The following KCNIP1 variants were observed in gnomAD, a reference collection of about 807,000 sequenced individuals.
KCNIP1 encodes the protein potassium voltage-gated channel interacting protein 1, also known as A-type potassium channel modulatory protein KCNIP1.
Under a neutral mutation model 33.0 loss-of-function variants are expected in KCNIP1, and 18 were observed. The ratio of observed to expected loss-of-function variants is 0.55; its 90% confidence interval spans 0.38 to 0.81. The LOEUF is 0.81. KCNIP1 is among the 30% of genes least tolerant of loss of function. The probability of loss-of-function intolerance (pLI) is 0.00; values close to 1 mark genes in which losing one functional copy is unlikely to be tolerated. For synonymous variants in KCNIP1, 93 were observed against 98.3 expected, an observed-to-expected ratio of 0.95 and a Z score of 0.32; for missense variants, 238 against 271.6, an observed-to-expected ratio of 0.88 and a Z score of 0.87.
At chr5:170,607,086 G>C (rs966372600) in intron 1 of KCNIP1, among the ~76,000 whole-genome samples, 1 of 152,216 alleles carries the variant, frequency 6.6e-6, no homozygotes, top group Non-Finnish European at 1.5e-5. Flanking sequence ...ACCACCTCCT[G>C]TTCACCAGCA....
At chr5:170,389,236 G>A (rs1319767575) in intron 1 of KCNIP1, 2 of 152,198 alleles carry the variant, frequency 1.3e-5, no homozygotes, top group Non-Finnish European at 2.9e-5. Flanking sequence ...CACTTCCCAA[G>A]TGCTTTCAGG....
intron 1 of KCNIP1, among the ~76,000 whole-genome samples, chr5:170,636,813 C>T (rs999803309): frequency 1.3e-5 from 2 of 152,116 alleles, no homozygotes; most frequent in Non-Finnish European, 2.9e-5. Flanking sequence ...AGTGCTCTAC[C>T]CACATTACTG....
At chr5:170,361,294 C>T (rs1172691854) in intron 1 of KCNIP1, among the ~76,000 whole-genome samples, 1 of 152,168 alleles carries the variant, frequency 6.6e-6, no homozygotes, top group Non-Finnish European at 1.5e-5. Context: ...CCTCCCGGGC[C>T]AGCTGGAGGA....
rs555343012 is a variant in KCNIP1 at position 170,428,971 on chromosome 5, T to C, written c.88+75007T>C. Among the ~76,000 whole-genome samples the C allele has an allele frequency of 4.6e-5, 7 of 152,210 alleles. No individual in the cohort carries two copies. In the South Asian group the frequency reaches 1.5e-3, roughly 32 times the overall value. On this transcript the variant is annotated intron_variant, in intron 1 of 7. Transcript: ENST00000377360. ...GATACCACCCTTTCCCATCGTATGA[T>C]AGCCTGAAGTGTTCAGAACTTTTCC... is the stretch of plus-strand genomic sequence containing the variant.
chr5:170,512,090 G>A (rs1455419232), intron 1 of KCNIP1, among the ~76,000 whole-genome samples: 2 of 152,206 alleles, frequency 1.3e-5, no homozygotes, highest in African/African-American at 2.4e-5. Flanking sequence ...ATGATTGGGG[G>A]CAGAAGGCCA....
chr5:170,686,172 T>C (rs1022827135), intron 1 of KCNIP1, among the ~76,000 whole-genome samples: 4 of 152,250 alleles, frequency 2.6e-5, no homozygotes, highest in Non-Finnish European at 4.4e-5. Flanking sequence ...TTTTAAAAAA[T>C]GAACACAAAG....
intron 1 of KCNIP1, among the ~76,000 whole-genome samples, chr5:170,511,980 C>T (rs552587861): frequency 5.3e-5 from 8 of 152,330 alleles, no homozygotes; most frequent in Admixed American, 3.9e-4. Flanking sequence ...AACTGAGCTA[C>T]GTGCAGGCCC....
intron 1 of KCNIP1, among the ~76,000 whole-genome samples, chr5:170,513,880 G>C (rs1755028676): frequency 6.6e-6 from 1 of 152,214 alleles, no homozygotes; most frequent in African/African-American, 2.4e-5. Context: ...GGACCTCTCT[G>C]TTGGTGGGGA....
intron 1 of KCNIP1, among the ~76,000 whole-genome samples, chr5:170,429,236 CAG>C (rs1389664732): frequency 4.6e-5 from 7 of 152,150 alleles, no homozygotes; most frequent in African/African-American, 1.7e-4. Flanking sequence ...TCTTAAAACA[CAG>C]GGCTAGACTG....
At chr5:170,695,407 A>T (rs1224802207) in intron 1 of KCNIP1, among the ~76,000 whole-genome samples, 1 of 152,256 alleles carries the variant, frequency 6.6e-6, no homozygotes, top group African/African-American at 2.4e-5. Flanking sequence ...AAAGAAGATT[A>T]GGGCATCCCA....
At chr5:170,682,440 A>G (rs570198658) in intron 1 of KCNIP1, among the ~76,000 whole-genome samples, 1 of 152,304 alleles carries the variant, frequency 6.6e-6, no homozygotes, top group East Asian at 1.9e-4. Flanking sequence ...CCCTGTATGT[A>G]AGGATGTTTT....
At position 170,359,302 on chromosome 5, in the gene KCNIP1, A is replaced by T. The variant is rs749477800; in HGVS notation, c.88+5338A>T. 8.0e-4 allele frequency among the ~76,000 whole-genome samples: 121 copies of T among 152,194 alleles called. 3 individuals carry two copies. The highest frequency in any genetic ancestry group is 1.9e-4 in the Non-Finnish European group (13 of 68,030). On this transcript the variant is annotated intron_variant, in intron 1 of 7. Transcript: ENST00000377360. Reference sequence around the variant, plus strand: ...ACACACAAAGTTTTGGACACTAGGCAGGCTGGAATTGAGGTGTTGCAGCTG... The same window carrying T: ...ACACACAAAGTTTTGGACACTAGGCTGGCTGGAATTGAGGTGTTGCAGCTG...
At chr5:170,456,391 A>G (rs1756375359) in intron 1 of KCNIP1, among the ~76,000 whole-genome samples, 1 of 152,212 alleles carries the variant, frequency 6.6e-6, no homozygotes, top group South Asian at 2.1e-4. Flanking sequence ...ACAGGTTGAT[A>G]GGTGCAGCAA....
At chr5:170,372,359 C>A (rs1312198414) in intron 1 of KCNIP1, among the ~76,000 whole-genome samples, 1 of 152,138 alleles carries the variant, frequency 6.6e-6, no homozygotes, top group African/African-American at 2.4e-5. Context: ...AGAAGCCCCC[C>A]AAACCCTATT....
intron 1 of KCNIP1, among the ~76,000 whole-genome samples, chr5:170,517,289 C>T (rs1481184533): frequency 5.9e-5 from 9 of 152,210 alleles, no homozygotes; most frequent in Admixed American, 1.3e-4. Context: ...AACTCCCTCA[C>T]TATCACAAGA....
chr5:170,629,118 C>T (rs549643069), intron 1 of KCNIP1, among the ~76,000 whole-genome samples: 5 of 152,336 alleles, frequency 3.3e-5, no homozygotes, highest in Admixed American at 6.5e-5. Flanking sequence ...TTCCCTCCTT[C>T]GCCCCTGACA....
chr5:170,500,841 G>A (rs1451423078), upstream of KCNIP1, among the ~76,000 whole-genome samples: 1 of 152,192 alleles, frequency 6.6e-6, no homozygotes, highest in Non-Finnish European at 1.5e-5. Context: ...GTAGATACAT[G>A]AATGAATGAA....
intron 1 of KCNIP1, among the ~76,000 whole-genome samples, chr5:170,641,893 C>T (rs1477576190): frequency 6.6e-6 from 1 of 152,150 alleles, no homozygotes; most frequent in Non-Finnish European, 1.5e-5. Context: ...AGAAGGCCCT[C>T]GTCCTCGGTG....
At chr5:170,548,446 T>G (rs1010662304) in intron 1 of KCNIP1, among the ~76,000 whole-genome samples, 1 of 152,244 alleles carries the variant, frequency 6.6e-6, no homozygotes, top group East Asian at 1.9e-4. Context: ...AAAATTTCAC[T>G]TCTCCGGAAA....
Sources: allele counts gnomAD v4.1 joint callset (sites outside exome capture counted in the v4.1 genomes callset), GRCh38; gene constraint gnomAD v4.1.1; transcripts MANE v1.5; gene names NCBI Gene and HGNC (gene_info 2026-07-23, HGNC 2026-07-21).